Variants in CNGA3 observed in about 807,000 individuals in gnomAD.
CNGA3 encodes cyclic nucleotide-gated channel alpha-3.
Under a neutral mutation model 46.6 loss-of-function variants are expected in CNGA3, and 42 were observed. The observed-to-expected ratio is 0.90, with a 90% CI of 0.70 to 1.17. The LOEUF is 1.17. Among genes scored for constraint, CNGA3 ranks in the 50% most tolerant of loss-of-function variants. CNGA3 has a pLI of 0.00. For missense variants in CNGA3, 893 were observed against 890.7 expected, an observed-to-expected ratio of 1.00 and a Z score of -0.03; for synonymous variants, 394 against 369.4, an observed-to-expected ratio of 1.07 and a Z score of -0.76.
At chr2:98,367,185 C>CTTTTTTTTTTTT (rs558997785) in intron 1 of CNGA3, among the ~76,000 whole-genome samples, 2 of 95,202 alleles carry the variant, frequency 2.1e-5, no homozygotes, top group South Asian at 3.2e-4. Flanking sequence ...TCTTTTTTTT[C>CTTTTTTTTTTTT]TTTTTTTTTT....
Position 98,397,018 on chromosome 2 carries a change from G to A in CNGA3, c.1848G>A (p.Leu616=), listed in dbSNP as rs746189991. 6.2e-6 allele frequency: 10 copies of A among 1,613,856 alleles called. No individual in the cohort carries two copies. In the Admixed American group the frequency reaches 1.5e-4, roughly 24 times the overall value. The change falls in exon 8 of 8, where the codon CTG becomes CTA. Residue 616 remains leucine (L), a synonymous_variant. Transcript: ENST00000272602. ...LMKDNLIDEE[L]ARAGADPKDL... is the part of the protein sequence containing the mutation. ...AAGACAACCTGATCGATGAGGAGCTGGCCAGGGCGGGCGCGGACCCCAAGG... is the reference window on the plus strand; with the variant it reads ...AAGACAACCTGATCGATGAGGAGCTAGCCAGGGCGGGCGCGGACCCCAAGG...
chr2:98,390,005 T>C (rs1048783899), intron 6 of CNGA3, among the ~76,000 whole-genome samples: 2 of 152,206 alleles, frequency 1.3e-5, no homozygotes, highest in Non-Finnish European at 2.9e-5. Context: ...CAGCCAGGGT[T>C]TCGGCACTGT....
chr2:98,382,584 G>A (rs890604222), intron 4 of CNGA3, among the ~76,000 whole-genome samples: 29 of 152,332 alleles, frequency 1.9e-4, no homozygotes, highest in African/African-American at 6.3e-4. Flanking sequence ...TCCAGTTCCC[G>A]TGGTCTCCTA....
intron 5 of CNGA3, 50 bp from the exon 6 acceptor site, chr2:98,389,608 G>C (rs200854372): frequency 6.2e-4 from 953 of 1,531,300 alleles, no homozygotes; most frequent in Non-Finnish European, 8.4e-4. Context: ...ACCCTCCAAA[G>C]CTACAGTCTT....
intron 7 of CNGA3, among the ~76,000 whole-genome samples, chr2:98,392,429 A>G (rs1395290188): frequency 6.6e-6 from 1 of 152,120 alleles, no homozygotes; most frequent in East Asian, 1.9e-4. Flanking sequence ...GCCCACTGGC[A>G]TGTGCCTGTA....
At chr2:98,359,450 T>C (rs1237835575) in intron 1 of CNGA3, among the ~76,000 whole-genome samples, 1 of 152,126 alleles carries the variant, frequency 6.6e-6, no homozygotes, top group Non-Finnish European at 1.5e-5. Flanking sequence ...GGATGCGAGG[T>C]AGAGGACCAG....
chr2:98,396,151 C>T lies in CNGA3; in HGVS notation c.981C>T (p.Phe327=). 6.2e-7 allele frequency: 1 copy of T among 1,614,208 alleles called. No homozygotes were observed. Among genetic ancestry groups the T allele is most frequent in the Non-Finnish European group, 8.5e-7 (1 of 1,180,044 alleles). Residue 327 remains phenylalanine (F), a synonymous_variant, in exon 8 of 8, where the codon TTC becomes TTT. Transcript: ENST00000272602. Reference sequence around the variant, plus strand: ...GCATCTACTTTGCCATTTCCAAGTTCATTGGTTTTGGGACAGACTCCTGGG... The same window carrying T: ...GCATCTACTTTGCCATTTCCAAGTTTATTGGTTTTGGGACAGACTCCTGGG... ...NACIYFAISK[F]IGFGTDSWVY...
Position 98,383,376 on chromosome 2 carries a change from A to G in CNGA3, c.396-12A>G. On this transcript the variant is annotated splice_polypyrimidine_tract_variant and intron_variant, in intron 4 of 7. Coordinates refer to ENST00000272602, the MANE Select transcript of CNGA3 (RefSeq NM_001298.3). ...AGTTCAGACCCTTGATGTTCTCTCTACCTTCCCGCAGCGCCTGGCCCCTGG... is the reference window on the plus strand; with the variant it reads ...AGTTCAGACCCTTGATGTTCTCTCTGCCTTCCCGCAGCGCCTGGCCCCTGG... 1 of 1,613,876 alleles carries G rather than the reference A, an allele frequency of 6.2e-7. No homozygotes were observed. Among genetic ancestry groups the G allele is most frequent in the African/African-American group, 1.3e-5 (1 of 74,974 alleles).
intron 7 of CNGA3, among the ~76,000 whole-genome samples, chr2:98,393,585 GC>G (rs1692841481): frequency 6.6e-6 from 1 of 152,190 alleles, no homozygotes; most frequent in Non-Finnish European, 1.5e-5. Context: ...CTGGTCACCT[GC>G]CCCGCTGCTG....
rs1692439244 is a variant in CNGA3, at chr2:98,377,721, C to T, written c.136C>T (p.Leu46=). 1.2e-6 allele frequency: 2 copies of T among 1,613,346 alleles called. No homozygotes were observed. The highest frequency in any genetic ancestry group is 1.3e-5 in the African/African-American group (1 of 74,914). Reference sequence around the variant, plus strand: ...GTCAAGTGAGGAGACATCGTCAGTGCTGCAGCCGGGGATCGCCATGGAGAC... The same window carrying T: ...GTCAAGTGAGGAGACATCGTCAGTGTTGCAGCCGGGGATCGCCATGGAGAC... The part of the protein sequence containing the change: ...HSSSEETSSV[L]QPGIAMETRG... Residue 46 remains leucine, a synonymous_variant, in exon 3 of 8, where the codon CTG becomes TTG. Transcript: ENST00000272602.
intron 7 of CNGA3, among the ~76,000 whole-genome samples, chr2:98,392,537 G>A (rs1193656894): frequency 6.6e-6 from 1 of 151,414 alleles, no homozygotes; most frequent in Non-Finnish European, 1.5e-5. Context: ...CTCCAACCTG[G>A]GTGACATAGC....
chr2:98,360,935 T>C (rs7563466), intron 1 of CNGA3, among the ~76,000 whole-genome samples: 7,219 of 152,266 alleles, frequency 0.047, 205 homozygotes, highest in African/African-American at 0.068. Context: ...TAAAATCAGA[T>C]TTCAATATAT....
chr2:98,356,359 G>A (rs1691879600), intron 1 of CNGA3, among the ~76,000 whole-genome samples: 2 of 144,798 alleles, frequency 1.4e-5, no homozygotes, highest in South Asian at 4.3e-4. Context: ...GATTACTTCT[G>A]AGAAGTAAGA....
At chr2:98,357,081 T>C (rs1280431666) in intron 1 of CNGA3, among the ~76,000 whole-genome samples, 1 of 152,230 alleles carries the variant, frequency 6.6e-6, no homozygotes, top group African/African-American at 2.4e-5. Flanking sequence ...CACGCTCTAC[T>C]ACCTACTAAA....
chr2:98,376,175 A>G (rs1021501221), intron 2 of CNGA3, among the ~76,000 whole-genome samples: 4 of 152,126 alleles, frequency 2.6e-5, no homozygotes, highest in African/African-American at 9.7e-5. Flanking sequence ...AGCCTGTGTT[A>G]CAGGACTGCT....
intron 4 of CNGA3, among the ~76,000 whole-genome samples, chr2:98,380,937 T>C (rs1692523954): frequency 6.6e-6 from 1 of 151,856 alleles, no homozygotes; most frequent in South Asian, 2.1e-4. Context: ...TAGAGCGAGG[T>C]GGGGAGAGTG....
chr2:98,362,784 G>A (rs1355997280), intron 1 of CNGA3, among the ~76,000 whole-genome samples: 1 of 152,102 alleles, frequency 6.6e-6, no homozygotes, highest in Non-Finnish European at 1.5e-5. Context: ...TACAGTTTGG[G>A]GTTTTACATT....
chr2:98,393,206 G>A (rs924282831), intron 7 of CNGA3, among the ~76,000 whole-genome samples: 1 of 151,920 alleles, frequency 6.6e-6, no homozygotes, highest in Non-Finnish European at 1.5e-5. Flanking sequence ...TCATGGCCTC[G>A]GTTTACAGAG....
intron 1 of CNGA3, among the ~76,000 whole-genome samples, chr2:98,347,381 T>C (rs1482296192): frequency 2.0e-5 from 3 of 152,102 alleles, no homozygotes; most frequent in Non-Finnish European, 2.9e-5. Flanking sequence ...CTTTTCTCTT[T>C]AGCTCAGCCC....
Sources: gnomAD v4.1 joint callset for allele counts (sites outside exome capture counted in the v4.1 genomes callset) on GRCh38, gnomAD v4.1.1 for gene constraint, MANE v1.5 for transcripts, NCBI Gene and HGNC (gene_info 2026-07-23, HGNC 2026-07-21) for gene names.